Variants in PSG7 observed in about 807,000 individuals in gnomAD.
PSG7 encodes pregnancy specific beta-1-glycoprotein 7, also known as pregnancy-specific beta-1-glycoprotein 7.
A neutral mutation model predicts 45.6 loss-of-function variants in PSG7; 57 were observed. The ratio of observed to expected loss-of-function variants is 1.25; its 90% CI spans 1.01 to 1.56. PSG7 has a LOEUF of 1.56. PSG7 is among the 40% of genes most tolerant of loss of function. The pLI is 0.00. For synonymous variants in PSG7, 298 were observed against 194.4 expected (o/e 1.53, Z -4.43); for missense variants, 796 against 508.4 (o/e 1.57, Z -5.44).
rs1397290686 is a variant in PSG7, at chr19:42,933,299, ATATATATATTT to A, written c.430+2094_430+2104del. The stretch of plus-strand genomic sequence containing the variant: ...TATATATATATATATATATATATAT[ATATATATATTT>A]TTTTTTTTTTTTGGTGTATGTATGT... On this transcript the variant is annotated intron_variant, in intron 2 of 5. Transcript: ENST00000406070. 1.8e-3 allele frequency among the ~76,000 whole-genome samples: 26 copies of A among 14,644 alleles called. 1 individual carries two copies. Among genetic ancestry groups the A allele is most frequent in the South Asian group, 4.5e-3 (1 of 222 alleles). The allele number at this position is 14,644 out of a possible 152,430, so 9.6% of individuals were successfully genotyped here.
At chr19:42,933,307 A>ATATATTTTTTTTTTT (rs56691588) in intron 2 of PSG7, among the ~76,000 whole-genome samples, 1 of 13,504 alleles carries the variant, frequency 7.4e-5, no homozygotes, top group African/African-American at 1.7e-4. Context: ...ATATATATAT[A>ATATATTTTTTTTTTT]TTTTTTTTTT....
intron 2 of PSG7, among the ~76,000 whole-genome samples, chr19:42,934,749 T>C (rs1973108219): frequency 6.6e-6 from 1 of 151,624 alleles, no homozygotes; most frequent in Non-Finnish European, 1.5e-5. Context: ...TGGAGTGTCC[T>C]AGGCCTCCTA....
chr19:42,935,122 G>A (rs1416055759), intron 2 of PSG7, among the ~76,000 whole-genome samples: 2 of 151,794 alleles, frequency 1.3e-5, no homozygotes, highest in Non-Finnish European at 2.9e-5. Flanking sequence ...TTATGAAGAG[G>A]GCATGAGGTG....
At chr19:42,933,646 T>C (rs1371688686) in intron 2 of PSG7, among the ~76,000 whole-genome samples, 2 of 149,796 alleles carry the variant, frequency 1.3e-5, no homozygotes, top group African/African-American at 4.9e-5. Flanking sequence ...GGCCTAGCAG[T>C]GGAGGAAGAA....
At chr19:42,926,235 C>T (rs1600561851) in intron 4 of PSG7, 5 of 1,379,712 alleles carry the variant, frequency 3.6e-6, no homozygotes, top group Non-Finnish European at 3.9e-6. Context: ...ATGACAAGAG[C>T]GTCCACTCCC....
Position 42,936,933 on chromosome 19 carries a change from G to A in PSG7, c.64+80C>T. 2.5e-6 allele frequency: 4 copies of A among 1,574,920 alleles called. No homozygotes were observed. In the South Asian group the frequency reaches 4.5e-5, roughly 18 times the overall value. ...AAGTGCTGGCTTCTTTTATTTTTTA[G>A]AACCCCATCCTCTCTAGGAGACCCC... On this transcript the variant is annotated intron_variant, in intron 1 of 5. Coordinates refer to ENST00000406070, the MANE Select transcript of PSG7 (RefSeq NM_002783.3).
intron 5 of PSG7, 135 bp from the exon 6 acceptor site, chr19:42,924,959 A>T: frequency 1.5e-6 from 1 of 680,946 alleles, no homozygotes; most frequent in East Asian, 2.6e-5. Context: ...TTTCAGTAGA[A>T]TAAGTTTGTT....
Position 42,929,485 on chromosome 19 carries a change from T to G in PSG7, c.666A>C (p.Pro222=), listed in dbSNP as rs1568457053. Residue 222 remains proline (P), a synonymous_variant, in exon 3 of 6, where the codon CCA becomes CCC. Coordinates refer to ENST00000406070, the MANE Select transcript of PSG7 (RefSeq NM_002783.3). Reference sequence around the variant, plus strand: ...CTGGGTCACTGCGGCTGGCACTCACTGGGTTCCGTATTTCACATTCATAGG... The same window carrying G: ...CTGGGTCACTGCGGCTGGCACTCACGGGGTTCCGTATTTCACATTCATAGG... ...AGPYECEIRN[P]VSASRSDPVT... 5 of 1,612,586 alleles carry G rather than the reference T, an allele frequency of 3.1e-6. No individual in the cohort carries two copies. The highest frequency in any genetic ancestry group is 4.2e-6 in the Non-Finnish European group (5 of 1,179,218).
rs530875853 is a variant in PSG7, at chr19:42,936,024, T to C, written c.65-255A>G. 62 of 691,146 alleles carry C rather than the reference T, an allele frequency of 9.0e-5. 1 individual carries two copies. The African/African-American group carries it at 9.8e-4, about 11-fold the overall frequency. The allele number at this position is 691,146 out of a possible 1,614,324, so 42.8% of individuals were successfully genotyped here. The stretch of plus-strand genomic sequence containing the variant: ...CCCCATTCCTTCAACACTCCTGACT[T>C]TGGCATTTTTCTGTTTGGAATCCTC... On this transcript the variant is annotated intron_variant, in intron 1 of 5. Coordinates refer to ENST00000406070, the MANE Select transcript of PSG7 (RefSeq NM_002783.3).
rs1448285734 is a variant in PSG7 at position 42,934,135 on chromosome 19, C to T, written c.430+1269G>A. Among the ~76,000 whole-genome samples, 12 of 151,440 alleles carry T rather than the reference C, an allele frequency of 7.9e-5. No individual in the cohort carries two copies. In the East Asian group the frequency reaches 2.3e-3, roughly 29 times the overall value. On this transcript the variant is annotated intron_variant, in intron 2 of 5. Transcript: ENST00000406070. ...GGTCCTCTCCTTGATCCTCTCATGACAGTGACATGGGAACTTTGGGAAACA... is the reference window on the plus strand; with the variant it reads ...GGTCCTCTCCTTGATCCTCTCATGATAGTGACATGGGAACTTTGGGAAACA...
intron 5 of PSG7, chr19:42,925,443 T>G (rs547150138): frequency 1.7e-6 from 1 of 595,070 alleles, no homozygotes; most frequent in African/African-American, 1.9e-5. Context: ...AAAGACAAAT[T>G]TCCATAAATC....
intron 1 of PSG7, among the ~76,000 whole-genome samples, 169 bp downstream of exon 1, chr19:42,936,844 A>C (rs1394208635): frequency 2.0e-5 from 3 of 151,310 alleles, no homozygotes; most frequent in Non-Finnish European, 4.4e-5. Context: ...AGACAGGGCT[A>C]CATTGTGTTG....
intron 3 of PSG7, chr19:42,929,130 G>A (rs1183236239): frequency 2.0e-6 from 1 of 498,672 alleles, no homozygotes; most frequent in East Asian, 3.7e-5. Flanking sequence ...GACCCTGTGA[G>A]TCAAGTCGCA....
Position 42,926,741 on chromosome 19 carries a change from T to C in PSG7, c.710-25A>G. ...GCTGTGTGAATAACAGAGAGAAGAT[T>C]GTCCTGTGTGGCACCTTTGATTCCT... On this transcript the variant is annotated intron_variant, in intron 3 of 5. Coordinates refer to ENST00000406070, the MANE Select transcript of PSG7 (RefSeq NM_002783.3). 2.5e-6 allele frequency: 4 copies of C among 1,607,544 alleles called. 1 individual carries two copies. Among genetic ancestry groups the C allele is most frequent in the Non-Finnish European group, 2.5e-6 (3 of 1,176,748 alleles).
chr19:42,935,976 T>C (rs1217386322), intron 1 of PSG7, among the ~76,000 whole-genome samples: 1 of 150,880 alleles, frequency 6.6e-6, no homozygotes. Flanking sequence ...ACTGTCCTAC[T>C]AGGTCAAGGT....
chr19:42,926,664 A>T lies in PSG7; in HGVS notation c.762T>A (p.Asn254Lys). The T allele has an allele frequency of 6.2e-7, 1 of 1,610,244 alleles. No homozygotes were observed. The highest frequency in any genetic ancestry group is 8.5e-7 in the Non-Finnish European group (1 of 1,179,010). The change falls in exon 4 of 6, where the codon AAT becomes AAA. Residue 254 changes from asparagine to lysine, a missense_variant. Physicochemically the swap from Asn to Lys is moderately conservative, Grantham distance 94 (BLOSUM62 0). Coordinates refer to ENST00000406070, the MANE Select transcript of PSG7 (RefSeq NM_002783.3). ...CACAGGTGAAGGTTGAGACATCCTT[A>T]TTCTCCCTGGGGTTTAAGTTATTGA... ...ITINNLNPRENKDVSTFTCEP... is the reference protein window; with the variant it reads ...ITINNLNPREKKDVSTFTCEP...
At chr19:42,931,980 G>T (rs1973030581) in intron 2 of PSG7, among the ~76,000 whole-genome samples, 1 of 151,556 alleles carries the variant, frequency 6.6e-6, no homozygotes, top group African/African-American at 2.4e-5. Flanking sequence ...CCACAGCTGT[G>T]TGCAGTCTAC....
At position 42,926,499 on chromosome 19, in the gene PSG7, T is replaced by C. The variant is rs1333527463; in HGVS notation, c.927A>G (p.Gln309=). 7 of 1,611,362 alleles carry C rather than the reference T, an allele frequency of 4.3e-6. No homozygotes were observed. The highest frequency in any genetic ancestry group is 1.1e-5 in the South Asian group (1 of 90,588). ...SVTRNETGPY[Q]CEIRDRYGGI... Reference sequence around the variant, plus strand: ...CACCATATCGGTCCCGTATTTCACATTGATAGGGTCCTGTTTCATTTCTCG... The same window carrying C: ...CACCATATCGGTCCCGTATTTCACACTGATAGGGTCCTGTTTCATTTCTCG... Residue 309 remains glutamine (Q), a synonymous_variant, in exon 4 of 6, where the codon CAA becomes CAG. Coordinates refer to ENST00000406070, the MANE Select transcript of PSG7 (RefSeq NM_002783.3).
intron 5 of PSG7, chr19:42,925,083 A>G (rs1411251359): frequency 7.6e-6 from 4 of 526,580 alleles, no homozygotes; most frequent in African/African-American, 3.8e-5. Flanking sequence ...GTAAGTTTTT[A>G]TAAGGAATCT....
Sources: gnomAD v4.1 joint callset for allele counts (sites outside exome capture counted in the v4.1 genomes callset) on GRCh38, gnomAD v4.1.1 for gene constraint, MANE v1.5 for transcripts, NCBI Gene and HGNC (gene_info 2026-07-23, HGNC 2026-07-21) for gene names.